The following SEL1L2 variants were observed in gnomAD, a reference collection of about 807,000 sequenced individuals.
SEL1L2 encodes the protein SEL1L2 adaptor subunit of SYVN1 ubiquitin ligase, also known as protein sel-1 homolog 2.
In SEL1L2, 89 loss-of-function variants were observed where a neutral mutation model predicts 98.8. The ratio of observed to expected loss-of-function variants is 0.90; its 90% CI spans 0.76 to 1.07. The LOEUF (loss-of-function observed/expected upper bound fraction) is 1.07. SEL1L2 is among the 50% of genes least tolerant of loss of function. The pLI, the probability that SEL1L2 is intolerant of heterozygous loss-of-function variation, is 0.00. For missense variants in SEL1L2, 788 were observed against 812.0 expected, an observed-to-expected ratio of 0.97 and a Z score of 0.36; for synonymous variants, 262 against 278.5, an observed-to-expected ratio of 0.94 and a Z score of 0.59.
At chr20:13,930,741 A>G (rs1469639091) in intron 3 of SEL1L2, among the ~76,000 whole-genome samples, 1 of 152,178 alleles carries the variant, frequency 6.6e-6, no homozygotes, top group Non-Finnish European at 1.5e-5. Flanking sequence ...CAATGAGTTC[A>G]TCCAGCCCCA....
At chr20:13,886,728 A>C (rs1397348885) in intron 8 of SEL1L2, among the ~76,000 whole-genome samples, 1 of 152,042 alleles carries the variant, frequency 6.6e-6, no homozygotes, top group Non-Finnish European at 1.5e-5. Flanking sequence ...TCTCTACTAA[A>C]AATACAAAAA....
Position 13,859,340 on chromosome 20 carries a change from A to G in SEL1L2, c.1740T>C (p.Ile580=), listed in dbSNP as rs202244623. 6.2e-7 allele frequency: 1 copy of G among 1,614,148 alleles called. No individual in the cohort carries two copies. The highest frequency in any genetic ancestry group is 8.5e-7 in the Non-Finnish European group (1 of 1,180,012). Residue 580 remains isoleucine (I), a synonymous_variant, in exon 18 of 20, where the codon ATT becomes ATC. Transcript: ENST00000284951. The part of the protein sequence containing the change: ...DYQTAATHYS[I]AANKYHNAQA... ...GCGCGTTGTGGTATTTGTTGGCTGCAATGCTGTAGTGTGTGGCTGCTGTTT... is the reference window on the plus strand; with the variant it reads ...GCGCGTTGTGGTATTTGTTGGCTGCGATGCTGTAGTGTGTGGCTGCTGTTT...
chr20:13,886,592 A>T lies in SEL1L2; in HGVS notation c.746-150T>A, dbSNP rs2046966495. 5.2e-6 allele frequency: 4 copies of T among 764,784 alleles called. No homozygotes were observed. The East Asian group carries it at 1.1e-4, about 22-fold the overall frequency. 47.4% of individuals were successfully genotyped at this position (764,784 alleles called of 1,614,324 possible). A position where few individuals can be genotyped will look rare whatever the true frequency, so the allele number is the denominator to read the frequency against. On this transcript the variant is annotated intron_variant, in intron 8 of 19. Transcript: ENST00000284951. ...GACAGAAGATCCATGAAAAATAGAA[A>T]TTTTCAGATTTTTGGCCAGGTGCGG...
chr20:13,939,313 G>A (rs1600839136), intron 2 of SEL1L2, among the ~76,000 whole-genome samples: 1 of 152,066 alleles, frequency 6.6e-6, no homozygotes, highest in African/African-American at 2.4e-5. Flanking sequence ...AAAACGCTGG[G>A]ATTACAGGCG....
chr20:13,911,699 G>C (rs1474699785), intron 5 of SEL1L2, among the ~76,000 whole-genome samples: 10 of 152,064 alleles, frequency 6.6e-5, no homozygotes, highest in Non-Finnish European at 1.3e-4. Flanking sequence ...AACATGGAAA[G>C]ACATCTATGA....
intron 5 of SEL1L2, among the ~76,000 whole-genome samples, chr20:13,901,071 C>CTT (rs746353560): frequency 0.028 from 3,756 of 133,176 alleles, 217 homozygotes; most frequent in South Asian, 0.16. Context: ...TTCTTTCTTT[C>CTT]TTTCTTTTTT....
chr20:13,877,209 A>G (rs1270555017), intron 11 of SEL1L2, among the ~76,000 whole-genome samples: 1 of 152,176 alleles, frequency 6.6e-6, no homozygotes, highest in African/African-American at 2.4e-5. Flanking sequence ...CACCTCAAGA[A>G]TATCACCCTC....
chr20:13,888,098 A>C, intron 6 of SEL1L2, 97 bp from the exon 7 acceptor site: 1 of 1,020,030 alleles, frequency 9.8e-7, no homozygotes, highest in Non-Finnish European at 1.5e-6. Flanking sequence ...TCCTAGCTCC[A>C]TAATGACCCA....
intron 10 of SEL1L2, among the ~76,000 whole-genome samples, chr20:13,884,422 A>T (rs2147969241): frequency 6.6e-6 from 1 of 152,346 alleles, no homozygotes. Flanking sequence ...ACAGAGGAGG[A>T]TCCTGTGTAT....
chr20:13,851,414 C>T (rs750667374), intron 18 of SEL1L2: 1 of 152,132 alleles, frequency 6.6e-6, no homozygotes, highest in Non-Finnish European at 1.5e-5. Flanking sequence ...CCCCTGAATT[C>T]CCAGTCCTCA....
chr20:13,914,831 G>A (rs1267982911), intron 4 of SEL1L2, among the ~76,000 whole-genome samples: 1 of 152,160 alleles, frequency 6.6e-6, no homozygotes, highest in Non-Finnish European at 1.5e-5. Context: ...AACATTTAGT[G>A]ATTAAAATGA....
At chr20:13,915,144 T>G in intron 4 of SEL1L2, 1 of 1,289,768 alleles carries the variant, frequency 7.8e-7, no homozygotes, top group Non-Finnish European at 1.0e-6. Flanking sequence ...CCATCCATGC[T>G]GAGGCTAAAA....
At chr20:13,952,682 T>G (rs1436189518) in intron 2 of SEL1L2, among the ~76,000 whole-genome samples, 2 of 152,206 alleles carry the variant, frequency 1.3e-5, no homozygotes, top group Admixed American at 1.3e-4. Context: ...GCCATTCATC[T>G]TCAATCTATA....
intron 12 of SEL1L2, among the ~76,000 whole-genome samples, chr20:13,874,921 G>T (rs929882465): frequency 2.6e-5 from 4 of 152,106 alleles, no homozygotes; most frequent in African/African-American, 9.7e-5. Flanking sequence ...AAGGCCATTC[G>T]CCAAGAGCAG....
chr20:13,970,704 T>G (rs1017872340), intron 1 of SEL1L2, among the ~76,000 whole-genome samples: 9 of 152,102 alleles, frequency 5.9e-5, no homozygotes, highest in Middle Eastern at 3.4e-3. Context: ...TGGTGGCAGG[T>G]GCCTGTAATC....
At chr20:13,968,858 CAG>C (rs2051163121) in intron 1 of SEL1L2, among the ~76,000 whole-genome samples, 1 of 152,164 alleles carries the variant, frequency 6.6e-6, no homozygotes, top group African/African-American at 2.4e-5. Flanking sequence ...TGACATTAAA[CAG>C]AAATTACATT....
chr20:13,954,743 C>T (rs2050444495), intron 2 of SEL1L2, among the ~76,000 whole-genome samples: 1 of 152,052 alleles, frequency 6.6e-6, no homozygotes, highest in Non-Finnish European at 1.5e-5. Flanking sequence ...TAAGAGGATT[C>T]CAAAGGCCAT....
intron 9 of SEL1L2, 82 bp from the exon 10 acceptor site, chr20:13,885,485 A>G: frequency 2.2e-6 from 2 of 922,676 alleles, no homozygotes; most frequent in Non-Finnish European, 3.6e-6. Flanking sequence ...ATTTTACTTT[A>G]GTATGTTGAT....
At chr20:13,977,765 T>G (rs1421488560) in intron 1 of SEL1L2, among the ~76,000 whole-genome samples, 3 of 152,124 alleles carry the variant, frequency 2.0e-5, no homozygotes, top group African/African-American at 7.2e-5. Flanking sequence ...CCCTACTGAA[T>G]AGATCCAAAA....
Sources: allele counts gnomAD v4.1 joint callset (sites outside exome capture counted in the v4.1 genomes callset), GRCh38; gene constraint gnomAD v4.1.1; transcripts MANE v1.5; gene names NCBI Gene and HGNC (gene_info 2026-07-23, HGNC 2026-07-21).